Variants in ABI1 observed in about 807,000 individuals in gnomAD.
ABI1 encodes Abelson interactor 1.
A neutral mutation model predicts 54.6 loss-of-function variants in ABI1; 14 were observed. The observed-to-expected ratio is 0.26, with a 90% confidence interval of 0.17 to 0.40. The LOEUF (loss-of-function observed/expected upper bound fraction) is 0.40, where lower values mean the gene tolerates loss of function less well. ABI1 is among the 10% of genes least tolerant of loss of function. The probability of loss-of-function intolerance (pLI) is 1.00; values close to 1 mark genes in which losing one functional copy is unlikely to be tolerated. For synonymous variants in ABI1, 194 were observed against 209.3 expected, an observed-to-expected ratio of 0.93 and a Z score of 0.63; for missense variants, 443 against 598.3, an observed-to-expected ratio of 0.74 and a Z score of 2.71.
rs777803164 is a variant in ABI1, at chr10:26,755,748, GCAACAACA to G, written c.998-15_998-8del. On this transcript the variant is annotated splice_polypyrimidine_tract_variant and splice_region_variant and intron_variant, in intron 8 of 10. Coordinates refer to ENST00000376140, the MANE Select transcript of ABI1 (RefSeq NM_001012750.3). ...GGGGGTGGAGCAATAGAAACTGGTAGCAACAACACAGTATGGGGGAAGTAAAACAGATA... is the reference window on the plus strand; with the variant it reads ...GGGGGTGGAGCAATAGAAACTGGTAGCAGTATGGGGGAAGTAAAACAGATA... 5 of 1,594,652 alleles carry G rather than the reference GCAACAACA, an allele frequency of 3.1e-6. No individual in the cohort carries two copies. In the South Asian group the frequency reaches 5.5e-5, roughly 18 times the overall value.
intron 2 of ABI1, among the ~76,000 whole-genome samples, chr10:26,785,369 A>G (rs1842610125): frequency 6.6e-6 from 1 of 152,228 alleles, no homozygotes; most frequent in African/African-American, 2.4e-5. Flanking sequence ...TGAGGGATCA[A>G]GAAACAGTGT....
rs397724445 is a variant in ABI1, at chr10:26,851,348, ATTTTTT to A, written c.117+9393_117+9398del. Among the ~76,000 whole-genome samples, 7 of 67,810 alleles carry A rather than the reference ATTTTTT, an allele frequency of 1.0e-4. No individual in the cohort carries two copies. The East Asian group carries it at 1.9e-3, about 19-fold the overall frequency. The allele number at this position is 67,810 out of a possible 152,430, so 44.5% of individuals were successfully genotyped here. ...GTAGCTGGGACTACAGACTAAGCTA[ATTTTTT>A]TTTTTTTTTTTTTTTTTTTTGAGAC... On this transcript the variant is annotated intron_variant, in intron 1 of 10. Transcript: ENST00000376140.
At chr10:26,752,606 A>T (rs879675420) in intron 9 of ABI1, among the ~76,000 whole-genome samples, 9 of 132,108 alleles carry the variant, frequency 6.8e-5, no homozygotes, top group East Asian at 2.6e-4. Flanking sequence ...AGATGTAATT[A>T]AAAAAAACAA....
Position 26,755,610 on chromosome 10 carries a change from G to A in ABI1, c.1084+45C>T, listed in dbSNP as rs745634548. On this transcript the variant is annotated intron_variant, in intron 9 of 10. Coordinates refer to ENST00000376140, the MANE Select transcript of ABI1 (RefSeq NM_001012750.3). ...TCATCGTCAGCCATGCATGCTATAA[G>A]GAGACAGCCTCTACTCTTCCATAGC... The A allele has an allele frequency of 2.7e-6, 4 of 1,467,176 alleles. No homozygotes were observed. In the South Asian group the frequency reaches 3.4e-5, roughly 13 times the overall value. 90.9% of individuals were successfully genotyped at this position (1,467,176 alleles called of 1,614,324 possible). A position where few individuals can be genotyped will look rare whatever the true frequency, so the allele number is the denominator to read the frequency against.
chr10:26,760,888 CAAAAAAAAAA>C (rs57750390), intron 7 of ABI1, among the ~76,000 whole-genome samples: 2 of 49,440 alleles, frequency 4.0e-5, no homozygotes, highest in Non-Finnish European at 7.5e-5. Context: ...GACTCCATCT[CAAAAAAAAAA>C]AAAAAAAAAA....
At chr10:26,769,926 C>T (rs10829059) in intron 5 of ABI1, among the ~76,000 whole-genome samples, 22,486 of 152,114 alleles carry the variant, frequency 0.15, 2,172 homozygotes, top group African/African-American at 0.28. Flanking sequence ...TGCAAAGGCA[C>T]CATTTGGAAT....
chr10:26,759,331 G>A lies in ABI1; in HGVS notation c.821-93C>T. On this transcript the variant is annotated intron_variant, in intron 7 of 10. Transcript: ENST00000376140. ...ACAAAGCAGGAGGGGGCCTCAGTAAGAAATATTTATTACTTTTTCAAGACC... is the reference window on the plus strand; with the variant it reads ...ACAAAGCAGGAGGGGGCCTCAGTAAAAAATATTTATTACTTTTTCAAGACC... 6.9e-6 allele frequency: 7 copies of A among 1,016,108 alleles called. No individual in the cohort carries two copies. The South Asian group carries it at 1.0e-4, about 15-fold the overall frequency. 62.9% of individuals were successfully genotyped at this position (1,016,108 alleles called of 1,614,324 possible).
At chr10:26,796,243 G>T (rs1844151634) in intron 2 of ABI1, among the ~76,000 whole-genome samples, 1 of 152,066 alleles carries the variant, frequency 6.6e-6, no homozygotes, top group Non-Finnish European at 1.5e-5. Flanking sequence ...TACAACACGA[G>T]GACTACAGTT....
chr10:26,761,661 T>TATATATATACACACAC lies in ABI1; in HGVS notation c.821-2424_821-2423insGTGTGTGTATATATAT, dbSNP rs1375832167. Among the ~76,000 whole-genome samples the TATATATATACACACAC allele has an allele frequency of 2.3e-4, 18 of 78,926 alleles. 1 individual carries two copies. The highest frequency in any genetic ancestry group is 3.1e-4 in the Non-Finnish European group (13 of 42,466). The allele number at this position is 78,926 out of a possible 152,430, so 51.8% of individuals were successfully genotyped here. On this transcript the variant is annotated intron_variant, in intron 7 of 10. Coordinates refer to ENST00000376140, the MANE Select transcript of ABI1 (RefSeq NM_001012750.3). ...ATATATATATATATATATATATATA[T>TATATATATACACACAC]ACACACACACATACACATATATAAC...
chr10:26,753,949 T>C (rs1473310559), intron 9 of ABI1, among the ~76,000 whole-genome samples: 1 of 152,166 alleles, frequency 6.6e-6, no homozygotes, highest in Admixed American at 6.5e-5. Context: ...ATTTACCAAA[T>C]AGCTAGTCAG....
chr10:26,820,462 A>C, intron 2 of ABI1, among the ~76,000 whole-genome samples: 1 of 152,188 alleles, frequency 6.6e-6, no homozygotes, highest in Non-Finnish European at 1.5e-5. Flanking sequence ...ATACTTGCAA[A>C]CTAAGCAACA....
At chr10:26,835,403 C>T (rs755158375) in intron 1 of ABI1, among the ~76,000 whole-genome samples, 32 of 151,968 alleles carry the variant, frequency 2.1e-4, no homozygotes, top group Non-Finnish European at 3.4e-4. Flanking sequence ...AGCAAGACCT[C>T]GTCTCTACAA....
chr10:26,767,890 A>C (rs1564471561), intron 6 of ABI1, among the ~76,000 whole-genome samples: 1 of 151,860 alleles, frequency 6.6e-6, no homozygotes, highest in Non-Finnish European at 1.5e-5. Flanking sequence ...CTACTAAAAT[A>C]CAAAAATTAG....
intron 2 of ABI1, among the ~76,000 whole-genome samples, chr10:26,820,577 C>G (rs1005963398): frequency 1.4e-4 from 21 of 148,978 alleles, no homozygotes; most frequent in African/African-American, 2.3e-4. Context: ...GTATGAGATA[C>G]AGCTAATGCA....
chr10:26,855,079 A>G (rs559933739), intron 1 of ABI1, among the ~76,000 whole-genome samples: 115 of 152,334 alleles, frequency 7.5e-4, no homozygotes, highest in African/African-American at 2.5e-3. Context: ...GGGAGGCTCA[A>G]CCAGTAAGTA....
intron 1 of ABI1, among the ~76,000 whole-genome samples, chr10:26,859,204 A>G (rs2051097793): frequency 6.6e-6 from 1 of 152,238 alleles, no homozygotes; most frequent in African/African-American, 2.4e-5. Context: ...CAGGCATTCA[A>G]CAAGTTCACT....
intron 3 of ABI1, among the ~76,000 whole-genome samples, chr10:26,776,112 G>C (rs1841379210): frequency 6.6e-6 from 1 of 152,152 alleles, no homozygotes; most frequent in Admixed American, 6.5e-5. Flanking sequence ...CTCTGCATTT[G>C]CAATGTGTTC....
At chr10:26,821,776 G>A (rs2048000065) in intron 2 of ABI1, among the ~76,000 whole-genome samples, 1 of 149,316 alleles carries the variant, frequency 6.7e-6, no homozygotes, top group Admixed American at 6.7e-5. Context: ...TCCAGCCTGG[G>A]CAACAGAGCA....
At chr10:26,812,011 G>A (rs1229546011) in intron 2 of ABI1, among the ~76,000 whole-genome samples, 1 of 152,102 alleles carries the variant, frequency 6.6e-6, no homozygotes, top group East Asian at 1.9e-4. Flanking sequence ...GTGACTACCA[G>A]CATTCCTTGA....
Sources: allele counts gnomAD v4.1 joint callset (sites outside exome capture counted in the v4.1 genomes callset), GRCh38; gene constraint gnomAD v4.1.1; transcripts MANE v1.5; gene names NCBI Gene and HGNC (gene_info 2026-07-23, HGNC 2026-07-21).